The following ANK2 variants were observed in gnomAD, a reference collection of about 807,000 sequenced individuals.
ANK2 encodes the protein ankyrin 2.
In ANK2, 83 loss-of-function variants were observed where a neutral mutation model predicts 360.5. The ratio of observed to expected loss-of-function variants is 0.23; its 90% CI spans 0.19 to 0.28. The LOEUF (loss-of-function observed/expected upper bound fraction) is 0.28, where lower values mean the gene tolerates loss of function less well. Among genes scored for constraint, ANK2 ranks in the 10% least tolerant of loss-of-function variants. The pLI, the probability that ANK2 is intolerant of heterozygous loss-of-function variation, is 1.00. For synonymous variants in ANK2, 1,740 were observed against 1,759.5 expected, an observed-to-expected ratio of 0.99 and a Z score of 0.28; for missense variants, 4,201 against 4,795.7, an observed-to-expected ratio of 0.88 and a Z score of 3.66.
the ANK2 span, among the ~76,000 whole-genome samples, chr4:112,783,683 G>A: frequency 1.1e-4 from 16 of 143,426 alleles, no homozygotes; most frequent in African/African-American, 3.6e-4. Flanking sequence ...ACAGAGTCTC[G>A]CTCTGTCACC....
rs775459863 is a variant in ANK2 at position 113,224,104 on chromosome 4, C to T, written c.385-8057C>T. ...AAGGGCAGTGACTTTTAAACCTTAG[C>T]CTCAGAAATCACGCACCATCAATTC... On this transcript the variant is annotated intron_variant, in intron 4 of 45. Transcript: ENST00000357077. Among the ~76,000 whole-genome samples the T allele has an allele frequency of 5.0e-4, 76 of 152,106 alleles. 1 individual carries two copies. Among genetic ancestry groups the T allele is most frequent in the Admixed American group, 1.2e-3 (18 of 15,256 alleles).
At chr4:113,052,049 A>G (rs114355011) in intron 1 of ANK2, among the ~76,000 whole-genome samples, 51 of 152,302 alleles carry the variant, frequency 3.3e-4, no homozygotes, top group African/African-American at 9.4e-4. Context: ...GTCAAAAGTT[A>G]TATGCTATAA....
chr4:112,819,292 G>T (rs2056308402), intron 1 of ANK2, among the ~76,000 whole-genome samples: 1 of 152,208 alleles, frequency 6.6e-6, no homozygotes, highest in South Asian at 2.1e-4. Context: ...AGGTCAAGGT[G>T]TATGGTGTCC....
At chr4:113,102,784 C>T (rs1346699453) in intron 1 of ANK2, among the ~76,000 whole-genome samples, 1 of 152,034 alleles carries the variant, frequency 6.6e-6, no homozygotes, top group Non-Finnish European at 1.5e-5. Flanking sequence ...GTATCTTAAT[C>T]ACATACCTAG....
chr4:113,196,625 T>C (rs2098751713), intron 3 of ANK2, among the ~76,000 whole-genome samples, 159 bp downstream of exon 3: 2 of 151,944 alleles, frequency 1.3e-5, no homozygotes, highest in Non-Finnish European at 2.9e-5. Flanking sequence ...CCTCCTGGGC[T>C]CAAGTGACCC....
chr4:113,130,165 AC>A (rs2095923064), intron 1 of ANK2, among the ~76,000 whole-genome samples: 1 of 152,170 alleles, frequency 6.6e-6, no homozygotes, highest in South Asian at 2.1e-4. Flanking sequence ...TATTTATCAC[AC>A]TTGATTGTCT....
chr4:113,323,027 T>C (rs1385515791), intron 26 of ANK2, among the ~76,000 whole-genome samples: 2 of 152,158 alleles, frequency 1.3e-5, no homozygotes, highest in Non-Finnish European at 2.9e-5. Context: ...TACTTTTGTA[T>C]GTCATTAGGG....
At chr4:112,951,775 G>A (rs575652377) in intron 2 of ANK2, among the ~76,000 whole-genome samples, 2 of 152,286 alleles carry the variant, frequency 1.3e-5, no homozygotes, top group South Asian at 4.1e-4. Context: ...AATTTATGTA[G>A]AGGGAGCACA....
At chr4:112,934,326 A>T (rs2093539806) in intron 2 of ANK2, among the ~76,000 whole-genome samples, 1 of 152,176 alleles carries the variant, frequency 6.6e-6, no homozygotes, top group Non-Finnish European at 1.5e-5. Flanking sequence ...TTTGACCTCG[A>T]GGTTGGATCC....
chr4:113,302,757 G>T lies in ANK2; in HGVS notation c.2476-10G>T, dbSNP rs878854257. ...TTCAACTTGAACATTAATGATTTTTGTTTTTCCAGACTATTACAGAAAAAC... is the reference window on the plus strand; with the variant it reads ...TTCAACTTGAACATTAATGATTTTTTTTTTTCCAGACTATTACAGAAAAAC... On this transcript the variant is annotated splice_polypyrimidine_tract_variant and intron_variant, in intron 22 of 45. Coordinates refer to ENST00000357077, the MANE Select transcript of ANK2 (RefSeq NM_001148.6). The T allele has an allele frequency of 1.2e-6, 2 of 1,609,838 alleles. No homozygotes were observed. Among genetic ancestry groups the T allele is most frequent in the African/African-American group, 1.3e-5 (1 of 74,892 alleles).
rs1424323292 is a variant in ANK2, at chr4:113,341,260, A to G, written c.3894-428A>G. 2.0e-5 allele frequency among the ~76,000 whole-genome samples: 3 copies of G among 152,204 alleles called. No individual in the cohort carries two copies. The East Asian group carries it at 5.8e-4, about 29-fold the overall frequency. ...GTTGAAAAGAGTTTCAGGAAATGAA[A>G]TGACAGCTAGGGAGGGGGGATCAAG... is the stretch of plus-strand genomic sequence containing the variant. On this transcript the variant is annotated intron_variant, in intron 32 of 45. Coordinates refer to ENST00000357077, the MANE Select transcript of ANK2 (RefSeq NM_001148.6).
At chr4:112,760,467 G>A in the ANK2 span, among the ~76,000 whole-genome samples, 1 of 151,482 alleles carries the variant, frequency 6.6e-6, no homozygotes, top group Non-Finnish European at 1.5e-5. Flanking sequence ...AATTACAGGC[G>A]TGAGCCCCCG....
At chr4:112,991,023 G>A (rs925066099) in intron 2 of ANK2, among the ~76,000 whole-genome samples, 3 of 152,074 alleles carry the variant, frequency 2.0e-5, no homozygotes, top group East Asian at 1.9e-4. Flanking sequence ...AGGCCAAGGC[G>A]GGTGCATCAT....
chr4:112,823,769 G>T (rs182442467), intron 1 of ANK2, among the ~76,000 whole-genome samples: 36 of 152,290 alleles, frequency 2.4e-4, no homozygotes, highest in Admixed American at 2.3e-3. Context: ...GTTTTTCAGG[G>T]TTATTATAAC....
Position 113,358,458 on chromosome 4 carries a change from A to T in ANK2, c.9840A>T (p.Glu3280Asp). Residue 3280 changes from glutamate (E) to aspartate (D), a missense_variant, in exon 38 of 46, where the codon GAA becomes GAT. This residue lies in a region of ANK2 where 2,642 missense variants were observed against 2,714.5 expected (regional missense o/e 0.97). Transcript: ENST00000357077. ...ATTCTCCCGATTCTTCCCCAGAAGAACAGAAATCAGTAATCGAGATTCCTA... is the reference window on the plus strand; with the variant it reads ...ATTCTCCCGATTCTTCCCCAGAAGATCAGAAATCAGTAATCGAGATTCCTA... ...GDDSPDSSPE[E>D]QKSVIEIPTA... 1.2e-6 allele frequency: 2 copies of T among 1,614,104 alleles called. No homozygotes were observed. Among genetic ancestry groups the T allele is most frequent in the Non-Finnish European group, 1.7e-6 (2 of 1,179,960 alleles).
Position 113,381,437 on chromosome 4 carries a change from T to C in ANK2, c.11860-20T>C, listed in dbSNP as rs750695856. ...TGGCAGTGAAAAGAGCGTAATTCTC[T>C]CTTGTCTGCTTTTCTCCAGGACAAC... is the stretch of plus-strand genomic sequence containing the variant. On this transcript the variant is annotated intron_variant, in intron 45 of 45. Coordinates refer to ENST00000357077, the MANE Select transcript of ANK2 (RefSeq NM_001148.6). 3 of 1,614,082 alleles carry C rather than the reference T, an allele frequency of 1.9e-6. No individual in the cohort carries two copies. In the South Asian group the frequency reaches 3.3e-5, roughly 18 times the overall value.
At chr4:112,865,265 C>T (rs1429954687) in intron 1 of ANK2, among the ~76,000 whole-genome samples, 1 of 151,992 alleles carries the variant, frequency 6.6e-6, no homozygotes, top group Admixed American at 6.6e-5. Flanking sequence ...GTTTTAAAAA[C>T]TGCAGTAAAG....
intron 1 of ANK2, among the ~76,000 whole-genome samples, chr4:112,858,980 A>G (rs906063547): frequency 6.6e-6 from 1 of 152,206 alleles, no homozygotes; most frequent in Non-Finnish European, 1.5e-5. Context: ...TGTACCTACA[A>G]ACATTTATTA....
At chr4:113,218,026 G>A (rs1303374068) in intron 4 of ANK2, among the ~76,000 whole-genome samples, 1 of 152,154 alleles carries the variant, frequency 6.6e-6, no homozygotes, top group Non-Finnish European at 1.5e-5. Flanking sequence ...AAAGACCTTG[G>A]ATAAGGGTAA....
Sources: gnomAD v4.1 joint callset for allele counts (sites outside exome capture counted in the v4.1 genomes callset) on GRCh38, gnomAD v4.1.1 for gene constraint, gnomAD v4.1.1 regional missense constraint, MANE v1.5 for transcripts, NCBI Gene and HGNC (gene_info 2026-07-23, HGNC 2026-07-21) for gene names.